Variants in HEATR5A observed in about 807,000 individuals in gnomAD.
The protein encoded by HEATR5A is HEAT repeat-containing protein 5A.
In HEATR5A, 178 loss-of-function variants were observed where a neutral mutation model predicts 218.8. The observed-to-expected ratio is 0.81, with a 90% CI of 0.72 to 0.92. The LOEUF is 0.92. Ranked by LOEUF, HEATR5A falls within the 40% of genes least tolerant of loss-of-function variation. The pLI is 0.00. For missense variants in HEATR5A, 2,420 were observed against 2,418.9 expected (o/e 1.00, Z -0.01); for synonymous variants, 864 against 871.6 (o/e 0.99, Z 0.15).
chr14:31,331,855 C>G (rs1900484254), intron 22 of HEATR5A, among the ~76,000 whole-genome samples: 1 of 152,152 alleles, frequency 6.6e-6, no homozygotes, highest in Non-Finnish European at 1.5e-5. Context: ...AACGCACTCA[C>G]TATCATGAGA....
intron 24 of HEATR5A, among the ~76,000 whole-genome samples, chr14:31,322,556 T>C (rs1038483028): frequency 6.6e-6 from 1 of 152,172 alleles, no homozygotes; most frequent in African/African-American, 2.4e-5. Flanking sequence ...TGGTGGCTAA[T>C]GCCTGTAATC....
intron 8 of HEATR5A, 39 bp downstream of exon 8, chr14:31,387,081 T>C: frequency 6.2e-7 from 1 of 1,603,364 alleles, no homozygotes; most frequent in Non-Finnish European, 8.5e-7. Flanking sequence ...ACAATTCCAT[T>C]AGCACTGTTA....
intron 16 of HEATR5A, 99 bp downstream of exon 16, chr14:31,358,534 TGTTA>T: frequency 9.8e-7 from 1 of 1,019,772 alleles, no homozygotes; most frequent in Non-Finnish European, 1.4e-6. Context: ...CACCTTCACC[TGTTA>T]TTTATAAGAA....
chr14:31,374,709 G>A lies in HEATR5A; in HGVS notation c.1861+107C>T, dbSNP rs955621758. On this transcript the variant is annotated intron_variant, in intron 12 of 35. Transcript: ENST00000543095. The stretch of plus-strand genomic sequence containing the variant: ...CAGTTACAAAAAAAAATCATTAGTG[G>A]CATATCCCCCTGCCTCGTGTTAAAT... 52 of 985,234 alleles carry A rather than the reference G, an allele frequency of 5.3e-5. No individual in the cohort carries two copies. The African/African-American group carries it at 7.9e-4, about 15-fold the overall frequency. 61.0% of individuals were successfully genotyped at this position (985,234 alleles called of 1,614,324 possible). A position where few individuals can be genotyped will look rare whatever the true frequency, so the allele number is the denominator to read the frequency against.
chr14:31,316,043 G>A, intron 26 of HEATR5A, 94 bp from the exon 27 acceptor site: 2 of 978,518 alleles, frequency 2.0e-6, no homozygotes, highest in Non-Finnish European at 1.4e-6. Context: ...CAGCACTTTG[G>A]GAGGTGACGC....
intron 1 of HEATR5A, among the ~76,000 whole-genome samples, chr14:31,407,047 C>T (rs1427883015): frequency 2.0e-5 from 3 of 150,034 alleles, no homozygotes; most frequent in Non-Finnish European, 4.4e-5. Flanking sequence ...CCCAGCACTT[C>T]GAGAGGACAA....
At chr14:31,384,418 T>C (rs2030121421) in intron 9 of HEATR5A, among the ~76,000 whole-genome samples, 1 of 149,898 alleles carries the variant, frequency 6.7e-6, no homozygotes, top group Admixed American at 6.7e-5. Context: ...TACTCCAACG[T>C]GGGTGACAGA....
chr14:31,358,828 A>C lies in HEATR5A; in HGVS notation c.2236-16T>G. ...CAAGCAGGAGCTAAAAGGGAAAAAA[A>C]GTATATAAGGTTTTAAAATCACTGA... On this transcript the variant is annotated splice_polypyrimidine_tract_variant and intron_variant, in intron 15 of 35. Coordinates refer to ENST00000543095, the MANE Select transcript of HEATR5A (RefSeq NM_015473.4). 1 of 1,612,552 alleles carries C rather than the reference A, an allele frequency of 6.2e-7. No individual in the cohort carries two copies. The highest frequency in any genetic ancestry group is 8.5e-7 in the Non-Finnish European group (1 of 1,179,432).
chr14:31,296,163 C>G (rs1278122783), intron 33 of HEATR5A, 100 bp from the exon 34 acceptor site: 6 of 833,742 alleles, frequency 7.2e-6, no homozygotes, highest in Non-Finnish European at 1.1e-5. Flanking sequence ...GTGTACACAA[C>G]AGATACACAC....
chr14:31,345,056 T>A (rs142322793), intron 20 of HEATR5A, 31 bp downstream of exon 20: 1 of 1,561,528 alleles, frequency 6.4e-7, no homozygotes, highest in Admixed American at 2.0e-5. Flanking sequence ...TTATTTTTAA[T>A]GTAAAACATC....
At chr14:31,367,938 GA>G (rs1901866260) in intron 13 of HEATR5A, among the ~76,000 whole-genome samples, 1 of 151,706 alleles carries the variant, frequency 6.6e-6, no homozygotes, top group African/African-American at 2.4e-5. Flanking sequence ...AGGAAGTATG[GA>G]TTTTTTTAGT....
chr14:31,369,272 C>CGCCACTGCACTCCA (rs1347360255), intron 13 of HEATR5A, among the ~76,000 whole-genome samples: 2 of 151,830 alleles, frequency 1.3e-5, no homozygotes, highest in Non-Finnish European at 2.9e-5. Flanking sequence ...ACCATGTTCA[C>CGCCACTGCACTCCA]GCCACTGCAC....
chr14:31,335,352 A>T (rs887417085), intron 22 of HEATR5A, among the ~76,000 whole-genome samples: 4 of 146,070 alleles, frequency 2.7e-5, no homozygotes, highest in Admixed American at 1.4e-4. Flanking sequence ...AAAAGTTTTT[A>T]TTTTTTTTTT....
intron 11 of HEATR5A, among the ~76,000 whole-genome samples, 158 bp downstream of exon 11, chr14:31,380,309 A>G (rs1359376541): frequency 1.3e-5 from 2 of 152,244 alleles, no homozygotes; most frequent in Non-Finnish European, 1.5e-5. Flanking sequence ...ACGAAAGTAA[A>G]AGGCTTTTTA....
At chr14:31,336,221 T>C (rs896463885) in intron 22 of HEATR5A, among the ~76,000 whole-genome samples, 96 of 3,950 alleles carry the variant, frequency 0.024, no homozygotes, top group African/African-American at 0.071. Flanking sequence ...TACATACATA[T>C]ATATATATAT....
chr14:31,323,121 C>A (rs562048954), intron 24 of HEATR5A, among the ~76,000 whole-genome samples: 1 of 152,162 alleles, frequency 6.6e-6, no homozygotes, highest in Admixed American at 6.5e-5. Flanking sequence ...TTCCCAAGAA[C>A]CAATTATTTT....
intron 16 of HEATR5A, among the ~76,000 whole-genome samples, chr14:31,351,242 T>C (rs980460794): frequency 3.9e-5 from 6 of 152,152 alleles, no homozygotes; most frequent in Admixed American, 6.5e-5. Context: ...ATGTAACACA[T>C]AGCCTCACAG....
At chr14:31,349,172 A>G (rs2139214647) in intron 18 of HEATR5A, among the ~76,000 whole-genome samples, 1 of 152,120 alleles carries the variant, frequency 6.6e-6, no homozygotes, top group South Asian at 2.1e-4. Context: ...GGCGGAACAC[A>G]AGGTCAGGAG....
intron 22 of HEATR5A, among the ~76,000 whole-genome samples, chr14:31,334,739 G>C (rs529607461): frequency 6.6e-6 from 1 of 152,260 alleles, no homozygotes; most frequent in South Asian, 2.1e-4. Flanking sequence ...GAGGTCAGGA[G>C]ATTGAGACAA....
Sources: allele counts gnomAD v4.1 joint callset (sites outside exome capture counted in the v4.1 genomes callset), GRCh38; gene constraint gnomAD v4.1.1; transcripts MANE v1.5; gene names NCBI Gene and HGNC (gene_info 2026-07-23, HGNC 2026-07-21).